The following PAPPA2 variants were observed in gnomAD, a reference collection of about 807,000 sequenced individuals.
PAPPA2 encodes the protein pappalysin-2.
In PAPPA2, 86 loss-of-function variants were observed where a neutral mutation model predicts 176.4. The ratio of observed to expected loss-of-function variants is 0.49; its 90% CI spans 0.41 to 0.58. The LOEUF is 0.58. Ranked by LOEUF, PAPPA2 falls within the 20% of genes least tolerant of loss-of-function variation. The pLI, the probability that PAPPA2 is intolerant of heterozygous loss-of-function variation, is 0.00. For synonymous variants in PAPPA2, 809 were observed against 852.2 expected, an observed-to-expected ratio of 0.95 and a Z score of 0.88; for missense variants, 2,073 against 2,256.9, an observed-to-expected ratio of 0.92 and a Z score of 1.65.
chr1:176,701,857 C>G (rs1049883439), intron 8 of PAPPA2, among the ~76,000 whole-genome samples: 108 of 152,276 alleles, frequency 7.1e-4, no homozygotes, highest in African/African-American at 2.5e-3. Flanking sequence ...GGACCAGAAG[C>G]TCTCCTTCTT....
intron 1 of PAPPA2, among the ~76,000 whole-genome samples, chr1:176,518,710 T>G (rs925516323): frequency 6.6e-6 from 1 of 152,164 alleles, no homozygotes; most frequent in Non-Finnish European, 1.5e-5. Context: ...TGTGGAAGTG[T>G]GCATGTAAAG....
intron 6 of PAPPA2, among the ~76,000 whole-genome samples, chr1:176,695,319 T>A (rs542702464): frequency 6.6e-6 from 1 of 152,326 alleles, no homozygotes; most frequent in East Asian, 1.9e-4. Context: ...AGGACACATA[T>A]GGCTAATAAG....
At chr1:176,799,740 C>T (rs1206494714) in intron 20 of PAPPA2, among the ~76,000 whole-genome samples, 1 of 152,110 alleles carries the variant, frequency 6.6e-6, no homozygotes, top group African/African-American at 2.4e-5. Flanking sequence ...TGCCTGAAAC[C>T]AGATGAAACT....
intron 1 of PAPPA2, among the ~76,000 whole-genome samples, chr1:176,481,772 T>C (rs1332916053): frequency 6.6e-6 from 1 of 152,212 alleles, no homozygotes; most frequent in East Asian, 1.9e-4. Context: ...TGCCGCGATC[T>C]CGGCTCACTG....
chr1:176,626,978 C>A (rs1464716745), intron 3 of PAPPA2, among the ~76,000 whole-genome samples: 1 of 151,260 alleles, frequency 6.6e-6, no homozygotes, highest in Non-Finnish European at 1.5e-5. Flanking sequence ...CCACCTCGGC[C>A]TCTTAAAGTA....
intron 3 of PAPPA2, among the ~76,000 whole-genome samples, chr1:176,655,919 G>C (rs1658007345): frequency 6.6e-6 from 1 of 151,794 alleles, no homozygotes; most frequent in Admixed American, 6.6e-5. Flanking sequence ...TCCTGGGCCA[G>C]ATTAATGGTT....
chr1:176,755,230 G>C (rs926597149), intron 14 of PAPPA2, among the ~76,000 whole-genome samples: 12 of 152,262 alleles, frequency 7.9e-5, no homozygotes, highest in Admixed American at 3.3e-4. Context: ...CCAAGGAGAA[G>C]TAGGGAGAGG....
rs180678975 is a variant in PAPPA2 at position 176,548,837 on chromosome 1, G to A, written c.-916-6570G>A. Among the ~76,000 whole-genome samples, 540 of 151,880 alleles carry A rather than the reference G, an allele frequency of 3.6e-3. 13 individuals are homozygous for A. Among genetic ancestry groups the A allele is most frequent in the East Asian group, 1.8e-3 (9 of 5,122 alleles). On this transcript the variant is annotated intron_variant, in intron 1 of 22. Coordinates refer to ENST00000367662, the MANE Select transcript of PAPPA2 (RefSeq NM_020318.3). Reference sequence around the variant, plus strand: ...CTAGTTGTAAATGGGGATGAAAATGGGCTACATTTCTTGGAGGCATTGGGC... The same window carrying A: ...CTAGTTGTAAATGGGGATGAAAATGAGCTACATTTCTTGGAGGCATTGGGC...
In PAPPA2 at chr1:176,597,642, C is replaced by T. The variant is rs540036627; in HGVS notation, c.1991+2047C>T. Among the ~76,000 whole-genome samples, 7 of 151,996 alleles carry T rather than the reference C, an allele frequency of 4.6e-5. No individual in the cohort carries two copies. In the East Asian group the frequency reaches 1.2e-3, roughly 25 times the overall value. On this transcript the variant is annotated intron_variant, in intron 3 of 22. Transcript: ENST00000367662. ...GGCACGTGTGTACCTATGTAACAAA[C>T]CTGCACGTTCTGCACATGTATCCCA...
At chr1:176,718,983 A>G (rs569050977) in intron 12 of PAPPA2, among the ~76,000 whole-genome samples, 2 of 152,068 alleles carry the variant, frequency 1.3e-5, no homozygotes, top group Non-Finnish European at 2.9e-5. Flanking sequence ...TACTGTTTCC[A>G]TCGGGTACTG....
intron 1 of PAPPA2, among the ~76,000 whole-genome samples, chr1:176,463,713 T>C (rs909810024): frequency 2.6e-5 from 4 of 152,180 alleles, no homozygotes; most frequent in Non-Finnish European, 4.4e-5. Flanking sequence ...CTGGTCTTCT[T>C]TTAGGCTGCA....
At chr1:176,767,338 G>T (rs904774230) in intron 15 of PAPPA2, among the ~76,000 whole-genome samples, 1 of 152,166 alleles carries the variant, frequency 6.6e-6, no homozygotes, top group Non-Finnish European at 1.5e-5. Flanking sequence ...TGCAGATTTT[G>T]AGAGGCATTC....
At chr1:176,684,213 A>C (rs984384602) in intron 4 of PAPPA2, among the ~76,000 whole-genome samples, 1 of 152,182 alleles carries the variant, frequency 6.6e-6, no homozygotes, top group African/African-American at 2.4e-5. Flanking sequence ...TTGTGAATTG[A>C]GTGGAGTAAG....
intron 4 of PAPPA2, among the ~76,000 whole-genome samples, chr1:176,688,204 A>C (rs1278774921): frequency 6.6e-6 from 1 of 152,234 alleles, no homozygotes; most frequent in Non-Finnish European, 1.5e-5. Context: ...GGGATTAAAC[A>C]TATGTACAGA....
chr1:176,508,386 G>T (rs975501548), intron 1 of PAPPA2, among the ~76,000 whole-genome samples: 8 of 151,830 alleles, frequency 5.3e-5, no homozygotes, highest in African/African-American at 1.7e-4. Context: ...ATTATTTAAA[G>T]AAAAATATGA....
chr1:176,519,777 T>C (rs558856725), intron 1 of PAPPA2, among the ~76,000 whole-genome samples: 1 of 152,282 alleles, frequency 6.6e-6, no homozygotes. Flanking sequence ...GCTGGTAGTA[T>C]TTTTTCCATT....
rs531665001 is a variant in PAPPA2, at chr1:176,790,356, G to A, written c.4884+379G>A. ...TCCTGAACAGAAACACAAATTCCTC[G>A]GCAAAGCTGGAAGTGCTGTTTGACT... On this transcript the variant is annotated intron_variant, in intron 18 of 22. Transcript: ENST00000367662. Among the ~76,000 whole-genome samples, 64 of 152,178 alleles carry A rather than the reference G, an allele frequency of 4.2e-4. 1 individual carries two copies. In the South Asian group the frequency reaches 9.4e-3, roughly 22 times the overall value.
In PAPPA2 at chr1:176,844,836, T is replaced by C. The variant is rs1391441011; in HGVS notation, c.*2382T>C. 6.6e-6 allele frequency: 1 copy of C among 152,206 alleles called. No homozygotes were observed. The highest frequency in any genetic ancestry group is 1.5e-5 in the Non-Finnish European group (1 of 68,030). The allele number at this position is 152,206 out of a possible 1,614,324, so 9.4% of individuals were successfully genotyped here. A position where few individuals can be genotyped will look rare whatever the true frequency, so the allele number is the denominator to read the frequency against. ...ACATGGAGCCTGTGGTTCATGCCAG[T>C]GTGTGTCTTCATGCAGTCTCTCCAC... On this transcript the variant is annotated 3_prime_UTR_variant, in exon 23 of 23. Transcript: ENST00000367662.
chr1:176,796,038 C>A (rs181455254), intron 20 of PAPPA2, among the ~76,000 whole-genome samples: 2 of 152,308 alleles, frequency 1.3e-5, no homozygotes, highest in East Asian at 3.9e-4. Flanking sequence ...AACCAAATGA[C>A]CTCACTCTTC....
Sources: gnomAD v4.1 joint callset for allele counts (sites outside exome capture counted in the v4.1 genomes callset) on GRCh38, gnomAD v4.1.1 for gene constraint, MANE v1.5 for transcripts, NCBI Gene and HGNC (gene_info 2026-07-23, HGNC 2026-07-21) for gene names.